GOLGA4: variants seen among roughly 807,000 people sequenced by gnomAD.
GOLGA4 encodes golgin A4, also known as golgin subfamily A member 4.
A neutral mutation model predicts 265.9 loss-of-function variants in GOLGA4; 169 were observed. That is an observed-to-expected ratio of 0.64 (90% CI 0.56 to 0.72). The LOEUF (loss-of-function observed/expected upper bound fraction) is 0.72. Ranked by LOEUF, GOLGA4 falls within the 30% of genes least tolerant of loss-of-function variation. GOLGA4 has a pLI of 0.00. For missense variants in GOLGA4, 2,482 were observed against 2,483.4 expected (o/e 1.00, Z 0.01); for synonymous variants, 923 against 855.8 (o/e 1.08, Z -1.37).
chr3:37,324,785 C>T lies in GOLGA4; in HGVS notation c.2899C>T (p.Gln967Ter), dbSNP rs1439455922. Reference sequence around the variant, plus strand: ...AGTTAAGCAGAAAGCAAAGGAGATGCAAGAAACGTTAAAGAAAAAATTACT... The same window carrying T: ...AGTTAAGCAGAAAGCAAAGGAGATGTAAGAAACGTTAAAGAAAAAATTACT... ...EKVKQKAKEM[Q>*]ETLKKKLLDQ... Residue 967 changes from glutamine (Q) to a stop codon, truncating the protein, a stop_gained, in exon 14 of 24, where the codon CAA (glutamine) becomes TAA (stop). Transcript: ENST00000361924. LOFTEE classifies it high-confidence loss of function. The T allele has an allele frequency of 6.3e-7, 1 of 1,585,424 alleles. No homozygotes were observed. Among genetic ancestry groups the T allele is most frequent in the East Asian group, 2.2e-5 (1 of 44,750 alleles).
intron 23 of GOLGA4, 103 bp downstream of exon 23, chr3:37,361,408 A>G (rs1337894620): frequency 2.7e-6 from 2 of 735,804 alleles, no homozygotes; most frequent in Non-Finnish European, 4.7e-6. Flanking sequence ...TAATAAATAT[A>G]TGATTATGCT....
chr3:37,355,772 C>T (rs1400382886), intron 22 of GOLGA4, among the ~76,000 whole-genome samples: 3 of 152,030 alleles, frequency 2.0e-5, no homozygotes, highest in Non-Finnish European at 4.4e-5. Flanking sequence ...TATTTTTGCC[C>T]TGGGCCAGTA....
intron 13 of GOLGA4, among the ~76,000 whole-genome samples, chr3:37,322,394 T>G (rs1559425614): frequency 6.6e-6 from 1 of 152,190 alleles, no homozygotes; most frequent in African/African-American, 2.4e-5. Context: ...AGAGTGTACG[T>G]TTTTTTAAAG....
intron 9 of GOLGA4, among the ~76,000 whole-genome samples, chr3:37,301,497 T>C (rs1386750547): frequency 1.3e-5 from 2 of 152,254 alleles, no homozygotes; most frequent in Non-Finnish European, 1.5e-5. Context: ...TCAATACTTG[T>C]AGTTTATTGT....
chr3:37,315,642 A>G (rs1239635959), intron 11 of GOLGA4, 44 bp downstream of exon 11: 4 of 1,466,350 alleles, frequency 2.7e-6, no homozygotes, highest in East Asian at 2.3e-5. Flanking sequence ...CAAATTTGAA[A>G]TTTAAGTGTA....
intron 22 of GOLGA4, among the ~76,000 whole-genome samples, chr3:37,355,389 A>G (rs2151070630): frequency 6.6e-6 from 1 of 152,272 alleles, no homozygotes; most frequent in Middle Eastern, 3.4e-3. Context: ...AAGGGAAGGA[A>G]GAGTCTAATT....
At chr3:37,359,750 C>G (rs2097099669) in intron 22 of GOLGA4, among the ~76,000 whole-genome samples, 1 of 152,144 alleles carries the variant, frequency 6.6e-6, no homozygotes, top group East Asian at 1.9e-4. Context: ...TTAATAAAAT[C>G]AGAACTTTTC....
At position 37,325,505 on chromosome 3, in the gene GOLGA4, A is replaced by G; in HGVS notation, c.3619A>G (p.Lys1207Glu). ...CCTAGAGGACAAGAGCTTGGAATTT[A>G]AAAAACTGTCTGAGGAACTAGCGAT... is the stretch of plus-strand genomic sequence containing the variant. ...KSLEDKSLEF[K>E]KLSEELAIQL... The change falls in exon 14 of 24, where the codon AAA (lysine) becomes GAA (glutamate). Residue 1207 changes from lysine (K) to glutamate (E), a missense_variant. Lys to Glu is a moderately conservative substitution (Grantham distance 56, BLOSUM62 1). Transcript: ENST00000361924. 6.2e-7 allele frequency: 1 copy of G among 1,613,736 alleles called. No homozygotes were observed. Among genetic ancestry groups the G allele is most frequent in the Non-Finnish European group, 8.5e-7 (1 of 1,179,772 alleles).
Position 37,243,579 on chromosome 3 carries a change from G to C in GOLGA4, c.29G>C (p.Ser10Thr). Residue 10 changes from serine (S) to threonine (T), a missense_variant, in exon 1 of 24, where the codon AGC (serine) becomes ACC (threonine). Coordinates refer to ENST00000361924, the MANE Select transcript of GOLGA4 (RefSeq NM_002078.5). Reference protein sequence around the residue: MFKKLKQKISEEQQQLQQAL... With the variant: MFKKLKQKITEEQQQLQQAL... ...TTCAAGAAACTGAAGCAAAAGATCA[G>C]CGAGGAGCAGCAGCAGCTCCAGCAG... 6.2e-7 allele frequency: 1 copy of C among 1,614,056 alleles called. No homozygotes were observed. The highest frequency in any genetic ancestry group is 8.5e-7 in the Non-Finnish European group (1 of 1,179,996).
In GOLGA4 at chr3:37,335,133, G is replaced by C; in HGVS notation, c.6273G>C (p.Lys2091Asn). ...AGCTGCAGAAGAAATACCAGCAAAAGCTAGAGCAGGAGGAGAACCCTGGCA... is the reference window on the plus strand; with the variant it reads ...AGCTGCAGAAGAAATACCAGCAAAACCTAGAGCAGGAGGAGAACCCTGGCA... The part of the protein sequence containing the change: ...LEELQKKYQQ[K>N]LEQEENPGND... Residue 2091 changes from lysine to asparagine, a missense_variant, in exon 17 of 24, where the codon AAG becomes AAC. Lys to Asn is a moderately conservative substitution (Grantham distance 94). This residue lies in a region of GOLGA4 where 942 missense variants were observed against 983.1 expected (regional missense o/e 0.96). Transcript: ENST00000361924. 1.2e-6 allele frequency: 2 copies of C among 1,604,012 alleles called. No homozygotes were observed. The highest frequency in any genetic ancestry group is 2.2e-5 in the East Asian group (1 of 44,758).
chr3:37,306,513 G>C (rs1049035409), intron 10 of GOLGA4, among the ~76,000 whole-genome samples: 17 of 150,952 alleles, frequency 1.1e-4, no homozygotes, highest in African/African-American at 4.1e-4. Flanking sequence ...GTGTGTGTGT[G>C]TGTGTGTGTG....
rs565190195 is a variant in GOLGA4, at chr3:37,292,251, G to A, written c.583-2728G>A. On this transcript the variant is annotated intron_variant, in intron 5 of 23. Transcript: ENST00000361924. Reference sequence around the variant, plus strand: ...GGTTGTAGGTTGTAGGAAATTATTTGGAAGAAATGAAGTTTACCTTCCAGT... The same window carrying A: ...GGTTGTAGGTTGTAGGAAATTATTTAGAAGAAATGAAGTTTACCTTCCAGT... Among the ~76,000 whole-genome samples, 3 of 152,210 alleles carry A rather than the reference G, an allele frequency of 2.0e-5. No individual in the cohort carries two copies. The South Asian group carries it at 6.2e-4, about 32-fold the overall frequency.
chr3:37,324,335 T>G lies in GOLGA4; in HGVS notation c.2449T>G (p.Tyr817Asp). The change falls in exon 14 of 24, where the codon TAT becomes GAT. Residue 817 changes from tyrosine (Y) to aspartate (D), a missense_variant. Physicochemically the swap from Tyr to Asp is radical, Grantham distance 160. Coordinates refer to ENST00000361924, the MANE Select transcript of GOLGA4 (RefSeq NM_002078.5). ...QSATHEQTKA[Y>D]EEQLAQLQQK... The stretch of plus-strand genomic sequence containing the variant: ...TGCCACACATGAGCAGACAAAAGCA[T>G]ATGAGGAACAGTTGGCCCAATTGCA... 6.2e-7 allele frequency: 1 copy of G among 1,614,148 alleles called. No individual in the cohort carries two copies. The highest frequency in any genetic ancestry group is 8.5e-7 in the Non-Finnish European group (1 of 1,180,024).
chr3:37,327,691 A>G lies in GOLGA4; in HGVS notation c.5805A>G (p.Ala1935=). ...ATCTGGAGTTTAAATTAGCCGGGGC[A>G]GAACGGGAGAAACAGAAACTGGGCA... is the stretch of plus-strand genomic sequence containing the variant. ...HNDLEFKLAG[A]EREKQKLGKE... Residue 1935 remains alanine, a synonymous_variant, in exon 14 of 24, where the codon GCA becomes GCG. Coordinates refer to ENST00000361924, the MANE Select transcript of GOLGA4 (RefSeq NM_002078.5). The G allele has an allele frequency of 6.2e-7, 1 of 1,614,038 alleles. No homozygotes were observed. Among genetic ancestry groups the G allele is most frequent in the East Asian group, 2.2e-5 (1 of 44,878 alleles).
chr3:37,319,508 A>T, intron 12 of GOLGA4: 1 of 158,672 alleles, frequency 6.3e-6, no homozygotes, highest in Non-Finnish European at 1.4e-5. Flanking sequence ...GGTTCAAGTG[A>T]TTCCCCTGCC....
chr3:37,344,816 G>A (rs2097050943), intron 20 of GOLGA4, among the ~76,000 whole-genome samples: 1 of 152,100 alleles, frequency 6.6e-6, no homozygotes. Flanking sequence ...GATTAGGCTT[G>A]CATTTAATTT....
chr3:37,257,974 CATATAT>C lies in GOLGA4; in HGVS notation c.162+6495_162+6500del, dbSNP rs10526196. Among the ~76,000 whole-genome samples the C allele has an allele frequency of 3.0e-4, 12 of 40,214 alleles. 2 individuals carry two copies. Among genetic ancestry groups the C allele is most frequent in the Non-Finnish European group, 5.6e-4 (12 of 21,376 alleles). The allele number at this position is 40,214 out of a possible 152,430, so 26.4% of individuals were successfully genotyped here. A position where few individuals can be genotyped will look rare whatever the true frequency, so the allele number is the denominator to read the frequency against. Reference sequence around the variant, plus strand: ...GTATGTATATATGTATATATACATACATATATATATGTATGTATATATGTATATATA... The same window carrying C: ...GTATGTATATATGTATATATACATACATATGTATGTATATATGTATATATA... On this transcript the variant is annotated intron_variant, in intron 2 of 23. Coordinates refer to ENST00000361924, the MANE Select transcript of GOLGA4 (RefSeq NM_002078.5).
At chr3:37,352,759 C>A (rs1236195264) in intron 21 of GOLGA4, among the ~76,000 whole-genome samples, 1 of 152,008 alleles carries the variant, frequency 6.6e-6, no homozygotes, top group African/African-American at 2.4e-5. Flanking sequence ...TCTATCCAGA[C>A]CACTAAATGA....
intron 23 of GOLGA4, among the ~76,000 whole-genome samples, chr3:37,362,217 AT>A (rs1696334203): frequency 2.1e-5 from 3 of 145,924 alleles, no homozygotes; most frequent in Non-Finnish European, 4.5e-5. Context: ...TTATTTATTT[AT>A]TTATTTATTT....
Sources: gnomAD v4.1 joint callset for allele counts (sites outside exome capture counted in the v4.1 genomes callset) on GRCh38, gnomAD v4.1.1 for gene constraint, gnomAD v4.1.1 regional missense constraint, MANE v1.5 for transcripts, NCBI Gene and HGNC (gene_info 2026-07-23, HGNC 2026-07-21) for gene names.